CCDC178: variants seen among roughly 807,000 people sequenced by gnomAD.
CCDC178 encodes coiled-coil domain containing 178.
A neutral mutation model predicts 117.4 loss-of-function variants in CCDC178; 126 were observed. That is an observed-to-expected ratio of 1.07 (90% CI 0.93 to 1.24). The LOEUF is 1.24. Ranked by LOEUF, CCDC178 falls within the 50% of genes most tolerant of loss-of-function variation. The probability of loss-of-function intolerance (pLI) is 0.00; values close to 1 mark genes in which losing one functional copy is unlikely to be tolerated. For missense variants in CCDC178, 1,030 were observed against 986.9 expected (o/e 1.04, Z -0.59); for synonymous variants, 283 against 313.4 (o/e 0.90, Z 1.02).
At chr18:33,321,447 A>T (rs976970084) in intron 11 of CCDC178, among the ~76,000 whole-genome samples, 2 of 152,162 alleles carry the variant, frequency 1.3e-5, no homozygotes, top group Non-Finnish European at 2.9e-5. Context: ...GGGTAAATTT[A>T]AAAAATAACC....
At chr18:33,413,072 T>C (rs2063882320) in intron 2 of CCDC178, among the ~76,000 whole-genome samples, 1 of 152,130 alleles carries the variant, frequency 6.6e-6, no homozygotes, top group African/African-American at 2.4e-5. Flanking sequence ...AGAAAGAAAA[T>C]AATTCTATAA....
At chr18:32,948,566 TA>T (rs2054406974) in intron 22 of CCDC178, among the ~76,000 whole-genome samples, 2 of 152,086 alleles carry the variant, frequency 1.3e-5, no homozygotes, top group Non-Finnish European at 2.9e-5. Context: ...ACATTTTCTA[TA>T]TGGATAAGCA....
chr18:33,069,429 GGATACCCTCTTC>G, intron 21 of CCDC178, among the ~76,000 whole-genome samples: 2 of 152,118 alleles, frequency 1.3e-5, no homozygotes, highest in Non-Finnish European at 2.9e-5. Context: ...AGTGAGGAAA[GGATACCCTCTTC>G]AATAAATAGT....
At chr18:33,436,478 G>A (rs2144988254) in intron 2 of CCDC178, among the ~76,000 whole-genome samples, 1 of 152,234 alleles carries the variant, frequency 6.6e-6, no homozygotes, top group South Asian at 2.1e-4. Context: ...GGTTTTAATG[G>A]GGAAAAGACT....
At chr18:33,438,793 C>T (rs1253707513) in intron 2 of CCDC178, among the ~76,000 whole-genome samples, 1 of 152,142 alleles carries the variant, frequency 6.6e-6, no homozygotes, top group African/African-American at 2.4e-5. Context: ...CCTGCTCATT[C>T]ACCATACATC....
At chr18:33,314,484 A>G (rs924216462) in intron 11 of CCDC178, among the ~76,000 whole-genome samples, 2 of 152,184 alleles carry the variant, frequency 1.3e-5, no homozygotes, top group Non-Finnish European at 2.9e-5. Context: ...CTTGTTAAAA[A>G]TGAGAATAGT....
intron 14 of CCDC178, among the ~76,000 whole-genome samples, chr18:33,255,818 G>C (rs1170120049): frequency 2.0e-5 from 3 of 152,026 alleles, no homozygotes; most frequent in Non-Finnish European, 4.4e-5. Context: ...AAGGACAGCA[G>C]AGATATATCA....
intron 20 of CCDC178, among the ~76,000 whole-genome samples, chr18:33,115,367 C>G (rs149622779): frequency 2.0e-5 from 3 of 151,934 alleles, no homozygotes; most frequent in African/African-American, 7.2e-5. Flanking sequence ...TGTTTAGAAG[C>G]CTTATTGTAA....
chr18:33,197,081 G>A (rs901875346), intron 20 of CCDC178, among the ~76,000 whole-genome samples: 19 of 152,100 alleles, frequency 1.2e-4, no homozygotes, highest in South Asian at 2.1e-4. Context: ...AGGTTGGAGC[G>A]CAGTGGTGCT....
intron 21 of CCDC178, chr18:32,983,283 G>A: frequency 6.6e-7 from 1 of 1,520,016 alleles, no homozygotes; most frequent in Non-Finnish European, 8.8e-7. Context: ...ACAGGTACCT[G>A]AAAATTTGAG....
intron 21 of CCDC178, among the ~76,000 whole-genome samples, chr18:33,068,015 A>G (rs1408790064): frequency 6.6e-6 from 1 of 152,100 alleles, no homozygotes; most frequent in Non-Finnish European, 1.5e-5. Context: ...CAGAAATACA[A>G]AGGATTATTA....
At chr18:32,958,603 G>T (rs1179582197) in intron 22 of CCDC178, among the ~76,000 whole-genome samples, 1 of 152,200 alleles carries the variant, frequency 6.6e-6, no homozygotes, top group Non-Finnish European at 1.5e-5. Context: ...AATGCAATGT[G>T]TACTGTAAAG....
chr18:33,334,931 C>A (rs1045103533), intron 9 of CCDC178, among the ~76,000 whole-genome samples: 64 of 152,110 alleles, frequency 4.2e-4, no homozygotes, highest in South Asian at 1.5e-3. Flanking sequence ...AAAGTTTCAA[C>A]AATATTCAAA....
chr18:33,038,478 G>A (rs186983035), intron 21 of CCDC178, among the ~76,000 whole-genome samples: 1 of 151,732 alleles, frequency 6.6e-6, no homozygotes, highest in East Asian at 1.9e-4. Flanking sequence ...ATTTTTTTAG[G>A]AAAGCATATT....
chr18:33,298,116 A>G (rs1383129547), intron 11 of CCDC178, among the ~76,000 whole-genome samples: 1 of 152,072 alleles, frequency 6.6e-6, no homozygotes, highest in Non-Finnish European at 1.5e-5. Context: ...ACTCTCCCTA[A>G]CTCATTCCAC....
At chr18:33,122,048 T>C (rs2057943819) in intron 20 of CCDC178, among the ~76,000 whole-genome samples, 1 of 152,166 alleles carries the variant, frequency 6.6e-6, no homozygotes, top group Non-Finnish European at 1.5e-5. Context: ...ATCAGTATAC[T>C]TACTCTACTA....
chr18:33,315,871 A>C (rs1350784694), intron 11 of CCDC178, among the ~76,000 whole-genome samples: 1 of 152,136 alleles, frequency 6.6e-6, no homozygotes, highest in Admixed American at 6.5e-5. Context: ...ATTTTGTGTT[A>C]AAGATAATAA....
intron 22 of CCDC178, among the ~76,000 whole-genome samples, chr18:32,972,722 C>T (rs963024381): frequency 8.6e-5 from 13 of 151,974 alleles, no homozygotes; most frequent in Admixed American, 2.0e-4. Flanking sequence ...AGAACTGAAG[C>T]AGAGAGAAGA....
At chr18:33,157,830 G>A (rs1336713746) in intron 20 of CCDC178, among the ~76,000 whole-genome samples, 1 of 152,032 alleles carries the variant, frequency 6.6e-6, no homozygotes, top group East Asian at 1.9e-4. Flanking sequence ...AGCAGGGGCC[G>A]CTTTCTGCTC....
Sources: gnomAD v4.1 joint callset for allele counts (sites outside exome capture counted in the v4.1 genomes callset) on GRCh38, gnomAD v4.1.1 for gene constraint, MANE v1.5 for transcripts, NCBI Gene and HGNC (gene_info 2026-07-23, HGNC 2026-07-21) for gene names.